Variants in APBB1IP observed in about 807,000 individuals in gnomAD.
The protein encoded by APBB1IP is amyloid beta A4 precursor protein-binding family B member 1-interacting protein.
A neutral mutation model predicts 64.9 loss-of-function variants in APBB1IP; 27 were observed. The ratio of observed to expected loss-of-function variants is 0.42; its 90% confidence interval spans 0.31 to 0.57. The LOEUF (loss-of-function observed/expected upper bound fraction) is 0.57, where lower values mean the gene tolerates loss of function less well. Among genes scored for constraint, APBB1IP ranks in the 20% least tolerant of loss-of-function variants. APBB1IP has a pLI of 0.20. For missense variants in APBB1IP, 812 were observed against 845.5 expected, an observed-to-expected ratio of 0.96 and a Z score of 0.49; for synonymous variants, 392 against 331.0, an observed-to-expected ratio of 1.18 and a Z score of -2.00.
At chr10:26,469,234 T>A (rs997582623) in intron 2 of APBB1IP, among the ~76,000 whole-genome samples, 7 of 150,928 alleles carry the variant, frequency 4.6e-5, no homozygotes, top group Non-Finnish European at 8.8e-5. Flanking sequence ...TTTATATAAG[T>A]GTTTTCTTTC....
intron 2 of APBB1IP, among the ~76,000 whole-genome samples, chr10:26,451,063 G>A (rs931432890): frequency 2.6e-5 from 4 of 151,904 alleles, no homozygotes; most frequent in African/African-American, 9.7e-5. Context: ...TTATAGATTG[G>A]CAAAATACAC....
chr10:26,464,328 A>G (rs930153158), intron 2 of APBB1IP, among the ~76,000 whole-genome samples: 2 of 152,170 alleles, frequency 1.3e-5, no homozygotes, highest in African/African-American at 4.8e-5. Flanking sequence ...ATACCCACCT[A>G]TATGCAAACA....
chr10:26,531,242 AGGAGAATC>A (rs1182700382), intron 8 of APBB1IP, among the ~76,000 whole-genome samples: 3 of 152,162 alleles, frequency 2.0e-5, no homozygotes. Context: ...AGGATGAGGA[AGGAGAATC>A]CCTTGAACCC....
intron 9 of APBB1IP, 35 bp from the exon 10 acceptor site, chr10:26,536,039 G>C: frequency 6.5e-7 from 1 of 1,538,796 alleles, no homozygotes; most frequent in East Asian, 2.3e-5. Flanking sequence ...TTTATCTTTC[G>C]TGTGTGTCTT....
intron 8 of APBB1IP, among the ~76,000 whole-genome samples, chr10:26,515,722 G>A (rs898187867): frequency 6.6e-6 from 1 of 152,100 alleles, no homozygotes; most frequent in African/African-American, 2.4e-5. Flanking sequence ...TGGGAGAGCC[G>A]GAGATTACCT....
At chr10:26,550,063 C>G (rs145010792) in intron 11 of APBB1IP, among the ~76,000 whole-genome samples, 4,577 of 151,670 alleles carry the variant, frequency 0.03, 115 homozygotes, top group Admixed American at 0.072. Flanking sequence ...TTTCATCACT[C>G]TGAATATATT....
intron 11 of APBB1IP, among the ~76,000 whole-genome samples, chr10:26,550,724 TA>T (rs1444496858): frequency 3.3e-5 from 5 of 152,264 alleles, no homozygotes; most frequent in Non-Finnish European, 7.3e-5. Flanking sequence ...GTCTGCCAGA[TA>T]GCTGGCACCT....
intron 8 of APBB1IP, 97 bp from the exon 9 acceptor site, chr10:26,533,342 C>A: frequency 1.5e-6 from 1 of 656,888 alleles, no homozygotes; most frequent in Non-Finnish European, 2.4e-6. Flanking sequence ...TTGTTTCACA[C>A]ACTTAACATC....
chr10:26,554,824 C>A (rs1836874968), intron 11 of APBB1IP, among the ~76,000 whole-genome samples: 1 of 152,154 alleles, frequency 6.6e-6, no homozygotes, highest in South Asian at 2.1e-4. Flanking sequence ...CTCAAGCAAT[C>A]CACCCACCTT....
intron 2 of APBB1IP, among the ~76,000 whole-genome samples, chr10:26,483,905 G>T (rs1835863600): frequency 6.6e-6 from 1 of 152,084 alleles, no homozygotes; most frequent in Non-Finnish European, 1.5e-5. Flanking sequence ...TAGAGACAGG[G>T]TCTTGCTCAC....
intron 11 of APBB1IP, among the ~76,000 whole-genome samples, chr10:26,548,656 A>C (rs7091260): frequency 0.78 from 117,864 of 152,006 alleles, 46,171 homozygotes; most frequent in African/African-American, 0.9. Flanking sequence ...GCTACTGTTG[A>C]ATAGAAATGC....
At position 26,511,693 on chromosome 10, in the gene APBB1IP, G is replaced by C; in HGVS notation, c.532-54G>C. 3 of 1,599,370 alleles carry C rather than the reference G, an allele frequency of 1.9e-6. No homozygotes were observed. The African/African-American group carries it at 4.0e-5, about 21-fold the overall frequency. ...TAGCAACTTTGAAACCCTCATCTTAGTAGCCTTCTCCAGTTGCTGAAATTT... is the reference window on the plus strand; with the variant it reads ...TAGCAACTTTGAAACCCTCATCTTACTAGCCTTCTCCAGTTGCTGAAATTT... On this transcript the variant is annotated intron_variant, in intron 6 of 14. Coordinates refer to ENST00000376236, the MANE Select transcript of APBB1IP (RefSeq NM_019043.4).
intron 8 of APBB1IP, among the ~76,000 whole-genome samples, chr10:26,518,993 A>G (rs1308699853): frequency 6.6e-6 from 1 of 152,242 alleles, no homozygotes; most frequent in Non-Finnish European, 1.5e-5. Flanking sequence ...ATAAAGAAAT[A>G]CCTGAGACTA....
chr10:26,453,540 C>T (rs1028099762), intron 2 of APBB1IP, among the ~76,000 whole-genome samples: 3 of 152,114 alleles, frequency 2.0e-5, no homozygotes, highest in Non-Finnish European at 2.9e-5. Context: ...GCTTGCCTTT[C>T]TCTGATGACG....
chr10:26,448,558 A>T (rs531415994), intron 2 of APBB1IP, among the ~76,000 whole-genome samples: 2 of 152,376 alleles, frequency 1.3e-5, no homozygotes, highest in East Asian at 3.9e-4. Flanking sequence ...AAAGGAGGAT[A>T]TTAGGTGAAT....
intron 2 of APBB1IP, among the ~76,000 whole-genome samples, chr10:26,447,264 A>G (rs1302763508): frequency 6.6e-6 from 1 of 150,812 alleles, no homozygotes; most frequent in Non-Finnish European, 1.5e-5. Context: ...AGTCCCAGCT[A>G]CTCGGGAGGC....
At chr10:26,535,557 C>CTTTCTA (rs1415743488) in intron 9 of APBB1IP, among the ~76,000 whole-genome samples, 1 of 152,070 alleles carries the variant, frequency 6.6e-6, no homozygotes, top group Non-Finnish European at 1.5e-5. Context: ...CTTATTCATT[C>CTTTCTA]TTTCTATTTT....
intron 2 of APBB1IP, among the ~76,000 whole-genome samples, chr10:26,473,504 A>T (rs1835743230): frequency 6.6e-6 from 1 of 152,210 alleles, no homozygotes; most frequent in South Asian, 2.1e-4. Flanking sequence ...ATGTTGTGTG[A>T]TCCAAATTTA....
At chr10:26,477,129 G>C (rs190567375) in intron 2 of APBB1IP, among the ~76,000 whole-genome samples, 200 of 152,212 alleles carry the variant, frequency 1.3e-3, no homozygotes, top group African/African-American at 4.6e-3. Flanking sequence ...CAGTTACTTT[G>C]TTCATTTTGC....
Sources: allele counts gnomAD v4.1 joint callset (sites outside exome capture counted in the v4.1 genomes callset), GRCh38; gene constraint gnomAD v4.1.1; transcripts MANE v1.5; gene names NCBI Gene and HGNC (gene_info 2026-07-23, HGNC 2026-07-21).